The following CEP57 variants were observed in gnomAD, a reference collection of about 807,000 sequenced individuals.
CEP57 encodes the protein centrosomal protein of 57 kDa.
Under a neutral mutation model 68.0 loss-of-function variants are expected in CEP57, and 40 were observed. The observed-to-expected ratio is 0.59, with a 90% CI of 0.46 to 0.77. The LOEUF (loss-of-function observed/expected upper bound fraction) is 0.77. CEP57 is among the 30% of genes least tolerant of loss of function. The pLI is 0.00. For synonymous variants in CEP57, 219 were observed against 198.7 expected, an observed-to-expected ratio of 1.10 and a Z score of -0.86; for missense variants, 606 against 580.7, an observed-to-expected ratio of 1.04 and a Z score of -0.45.
intron 2 of CEP57, among the ~76,000 whole-genome samples, chr11:95,808,666 T>C (rs1861916494): frequency 6.6e-6 from 1 of 152,128 alleles, no homozygotes; most frequent in Admixed American, 6.5e-5. Flanking sequence ...AACCTAAATA[T>C]ATATGCGCCC....
At chr11:95,818,745 C>T (rs1487713406) in intron 5 of CEP57, 82 bp from the exon 6 acceptor site, 26 of 1,048,202 alleles carry the variant, frequency 2.5e-5, no homozygotes, top group African/African-American at 4.7e-5. Flanking sequence ...ATAAAATTTA[C>T]ATGTTCCAGT....
intron 4 of CEP57, among the ~76,000 whole-genome samples, chr11:95,816,264 G>A (rs1002156262): frequency 6.6e-6 from 1 of 152,100 alleles, no homozygotes; most frequent in Non-Finnish European, 1.5e-5. Context: ...GATCTCATGA[G>A]AATTCACTAT....
At chr11:95,808,586 C>T (rs554989742) in intron 2 of CEP57, among the ~76,000 whole-genome samples, 66 of 152,112 alleles carry the variant, frequency 4.3e-4, no homozygotes, top group Admixed American at 7.9e-4. Context: ...TCTGATAAAA[C>T]GGACTAGATC....
chr11:95,816,034 T>G (rs1862281899), intron 4 of CEP57, among the ~76,000 whole-genome samples: 1 of 152,214 alleles, frequency 6.6e-6, no homozygotes. Context: ...GCTGTGTAAT[T>G]GTATTAGTCC....
At chr11:95,801,746 A>G (rs1861589886) in intron 2 of CEP57, among the ~76,000 whole-genome samples, 1 of 152,132 alleles carries the variant, frequency 6.6e-6, no homozygotes, top group African/African-American at 2.4e-5. Context: ...ATTTTAGCAC[A>G]GCATGTTACT....
At chr11:95,828,935 G>A (rs935815444) in intron 9 of CEP57, among the ~76,000 whole-genome samples, 7 of 151,744 alleles carry the variant, frequency 4.6e-5, no homozygotes, top group African/African-American at 1.2e-4. Flanking sequence ...CCAGCTACTC[G>A]GGAGGCTGAG....
intron 5 of CEP57, among the ~76,000 whole-genome samples, chr11:95,818,398 C>T (rs1345933239): frequency 1.4e-5 from 2 of 144,162 alleles, no homozygotes; most frequent in African/African-American, 2.5e-5. Context: ...GCAACAAGAG[C>T]GAAACTCCAT....
At chr11:95,797,147 TC>T (rs989661382) in intron 1 of CEP57, among the ~76,000 whole-genome samples, 2 of 124,132 alleles carry the variant, frequency 1.6e-5, no homozygotes, top group Admixed American at 8.1e-5. Context: ...TTGTGACTCT[TC>T]CCCCCCACCC....
Position 95,790,540 on chromosome 11 carries a change from T to G in CEP57, c.-159T>G. On this transcript the variant is annotated 5_prime_UTR_variant, in exon 1 of 11. Coordinates refer to ENST00000325542, the MANE Select transcript of CEP57 (RefSeq NM_014679.5). Reference sequence around the variant, plus strand: ...GAGCGTAGGCGGCCCTGAGGGGGTGTGTTGCAGGGGTTTCCAAGCCCAGCA... The same window carrying G: ...GAGCGTAGGCGGCCCTGAGGGGGTGGGTTGCAGGGGTTTCCAAGCCCAGCA... 1 of 769,172 alleles carries G rather than the reference T, an allele frequency of 1.3e-6. No homozygotes were observed. The highest frequency in any genetic ancestry group is 2.2e-6 in the Non-Finnish European group (1 of 462,800). The allele number at this position is 769,172 out of a possible 1,614,324, so 47.6% of individuals were successfully genotyped here. A position where few individuals can be genotyped will look rare whatever the true frequency, so the allele number is the denominator to read the frequency against.
At chr11:95,822,314 G>C (rs2135353823) in intron 7 of CEP57, 185 bp from the exon 8 acceptor site, 2 of 603,818 alleles carry the variant, frequency 3.3e-6, no homozygotes, top group East Asian at 5.6e-5. Context: ...TTTCCCCCCA[G>C]CCTTTCCTAG....
At chr11:95,828,259 A>C (rs1862841380) in intron 9 of CEP57, among the ~76,000 whole-genome samples, 1 of 152,156 alleles carries the variant, frequency 6.6e-6, no homozygotes, top group Non-Finnish European at 1.5e-5. Context: ...TTTAAGTTTT[A>C]TTTCTTTGAG....
chr11:95,813,166 A>G, intron 3 of CEP57, 55 bp downstream of exon 3: 3 of 1,529,106 alleles, frequency 2.0e-6, no homozygotes, highest in South Asian at 2.3e-5. Flanking sequence ...TGCAGTATTA[A>G]GTATTCTAAA....
chr11:95,808,290 T>C (rs1384594309), intron 2 of CEP57, among the ~76,000 whole-genome samples: 3 of 150,028 alleles, frequency 2.0e-5, no homozygotes, highest in Non-Finnish European at 4.5e-5. Flanking sequence ...CCATCGAGAC[T>C]AGGAAGAAAC....
At chr11:95,821,119 G>A (rs603625) in intron 6 of CEP57, among the ~76,000 whole-genome samples, 52,768 of 152,076 alleles carry the variant, frequency 0.35, 9,862 homozygotes, top group Non-Finnish European at 0.42. Flanking sequence ...GCACCTGGCA[G>A]TCCAAATTGT....
intron 2 of CEP57, among the ~76,000 whole-genome samples, chr11:95,810,382 A>G (rs1344345800): frequency 1.3e-5 from 2 of 152,198 alleles, no homozygotes; most frequent in African/African-American, 2.4e-5. Flanking sequence ...AATAAAGGGT[A>G]TTCAGTTAGG....
At chr11:95,795,499 C>T (rs201200419) in intron 1 of CEP57, 7 of 375,368 alleles carry the variant, frequency 1.9e-5, no homozygotes, top group Admixed American at 4.6e-5. Flanking sequence ...AGCTGTTATT[C>T]TTTTTTTTTT....
intron 1 of CEP57, chr11:95,795,499 C>CT (rs5793747): frequency 0.75 from 280,878 of 375,302 alleles, 93,507 homozygotes; most frequent in African/African-American, 0.94. Context: ...AGCTGTTATT[C>CT]TTTTTTTTTT....
At chr11:95,826,013 A>G (rs1590956176) in intron 8 of CEP57, 1 of 152,312 alleles carries the variant, frequency 6.6e-6, no homozygotes, top group South Asian at 2.1e-4. Flanking sequence ...ACATTTTTAG[A>G]GAAATGAAAA....
intron 1 of CEP57, among the ~76,000 whole-genome samples, chr11:95,793,599 A>G (rs192586696): frequency 6.6e-6 from 1 of 152,240 alleles, no homozygotes; most frequent in Admixed American, 6.5e-5. Flanking sequence ...ACGTATTTTA[A>G]GATTATAATG....
Sources: gnomAD v4.1 joint callset for allele counts (sites outside exome capture counted in the v4.1 genomes callset) on GRCh38, gnomAD v4.1.1 for gene constraint, MANE v1.5 for transcripts, NCBI Gene and HGNC (gene_info 2026-07-23, HGNC 2026-07-21) for gene names.